Variants in LRP1B observed in about 807,000 individuals in gnomAD.
LRP1B encodes LDL receptor related protein 1B.
Under a neutral mutation model 556.6 loss-of-function variants are expected in LRP1B, and 217 were observed. The ratio of observed to expected loss-of-function variants is 0.39; its 90% CI spans 0.35 to 0.44. The LOEUF (loss-of-function observed/expected upper bound fraction) is 0.44, where lower values mean the gene tolerates loss of function less well. Ranked by LOEUF, LRP1B falls within the 20% of genes least tolerant of loss-of-function variation. The pLI is 1.00. For missense variants in LRP1B, 5,053 were observed against 5,620.8 expected, an observed-to-expected ratio of 0.90 and a Z score of 3.23; for synonymous variants, 2,047 against 1,865.8, an observed-to-expected ratio of 1.10 and a Z score of -2.50.
chr2:140,970,260 C>A (rs1478374994), intron 18 of LRP1B, among the ~76,000 whole-genome samples: 2 of 152,170 alleles, frequency 1.3e-5, no homozygotes, highest in African/African-American at 2.4e-5. Context: ...CTTTTCACTT[C>A]ATTTCATTGA....
At chr2:141,231,520 A>G (rs1366929853) in intron 5 of LRP1B, among the ~76,000 whole-genome samples, 1 of 152,192 alleles carries the variant, frequency 6.6e-6, no homozygotes, top group Non-Finnish European at 1.5e-5. Flanking sequence ...GAGATGGTCC[A>G]GTGGCTGCAG....
Position 141,983,074 on chromosome 2 carries a change from G to A in LRP1B, c.82+147574C>T, listed in dbSNP as rs370822661. ...AGAGAAAAGACAATGATTTTCTGCA[G>A]CAAAATAATGTAGAACATTTTGTAA... On this transcript the variant is annotated intron_variant, in intron 1 of 90. Transcript: ENST00000389484. 7.2e-5 allele frequency among the ~76,000 whole-genome samples: 11 copies of A among 152,136 alleles called. No individual in the cohort carries two copies. The East Asian group carries it at 7.7e-4, about 11-fold the overall frequency.
intron 1 of LRP1B, among the ~76,000 whole-genome samples, chr2:142,067,644 C>A (rs1705154412): frequency 6.6e-6 from 1 of 151,490 alleles, no homozygotes. Context: ...TTCCTTTGCT[C>A]TTTTTTGGCC....
intron 37 of LRP1B, among the ~76,000 whole-genome samples, chr2:140,705,521 C>CAAAAAAAAAAAAA (rs565447198): frequency 1.2e-4 from 8 of 68,228 alleles, no homozygotes; most frequent in African/African-American, 2.1e-4. Flanking sequence ...GAGACTGTCT[C>CAAAAAAAAAAAAA]AAAAAAAAAA....
chr2:141,652,466 T>C (rs2105381504), intron 2 of LRP1B, among the ~76,000 whole-genome samples: 1 of 152,342 alleles, frequency 6.6e-6, no homozygotes, highest in Non-Finnish European at 1.5e-5. Flanking sequence ...GTAAACATTT[T>C]GAATGTTTTC....
At chr2:140,472,969 G>A (rs560224265) in intron 60 of LRP1B, among the ~76,000 whole-genome samples, 1 of 152,112 alleles carries the variant, frequency 6.6e-6, no homozygotes, top group Admixed American at 6.5e-5. Flanking sequence ...TAAAAAAGTG[G>A]CTAGTGATGA....
chr2:140,326,898 A>C (rs1460208614), intron 79 of LRP1B, among the ~76,000 whole-genome samples: 1 of 152,118 alleles, frequency 6.6e-6, no homozygotes, highest in African/African-American at 2.4e-5. Context: ...TGATTTCATG[A>C]ATGTGATTGG....
chr2:141,820,779 C>A (rs1696725684), intron 1 of LRP1B, among the ~76,000 whole-genome samples: 1 of 152,118 alleles, frequency 6.6e-6, no homozygotes, highest in East Asian at 1.9e-4. Flanking sequence ...GATCGAGAGA[C>A]AAGCCAAATA....
At position 140,501,944 on chromosome 2, in the gene LRP1B, A is replaced by G. The variant is rs375693975; in HGVS notation, c.8663-70T>C. ...GTTTTATACTACAGTTGTTGAAAACATTCACAAATATCATTAACTCAGGTG... is the reference window on the plus strand; with the variant it reads ...GTTTTATACTACAGTTGTTGAAAACGTTCACAAATATCATTAACTCAGGTG... On this transcript the variant is annotated intron_variant, in intron 54 of 90. Coordinates refer to ENST00000389484, the MANE Select transcript of LRP1B (RefSeq NM_018557.3). 230 of 1,054,960 alleles carry G rather than the reference A, an allele frequency of 2.2e-4. 1 individual carries two copies. In the African/African-American group the frequency reaches 3.3e-3, roughly 15 times the overall value. 65.3% of individuals were successfully genotyped at this position (1,054,960 alleles called of 1,614,324 possible).
chr2:141,692,524 T>C (rs1176579058), intron 2 of LRP1B, among the ~76,000 whole-genome samples: 1 of 152,018 alleles, frequency 6.6e-6, no homozygotes, highest in Admixed American at 6.6e-5. Flanking sequence ...GGCATTCAGC[T>C]TCATCCAGGG....
At chr2:141,619,022 A>T (rs1278127919) in intron 2 of LRP1B, among the ~76,000 whole-genome samples, 1 of 152,180 alleles carries the variant, frequency 6.6e-6, no homozygotes, top group Non-Finnish European at 1.5e-5. Flanking sequence ...ATCTGCTATG[A>T]TCTCCCAAGG....
chr2:141,132,774 G>GTA (rs558635661), intron 7 of LRP1B, among the ~76,000 whole-genome samples: 3 of 151,732 alleles, frequency 2.0e-5, no homozygotes, highest in East Asian at 1.9e-4. Context: ...GACATGCTGT[G>GTA]TATATATATA....
At position 141,062,156 on chromosome 2, in the gene LRP1B, T is replaced by G; in HGVS notation, c.1131A>C (p.Leu377=). The change falls in exon 8 of 91, where the codon CTA becomes CTC. Residue 377 remains leucine, a synonymous_variant. Transcript: ENST00000389484. ...AGTAAACCAATTTGTTGACTAGGTC[T>G]AGTGCCAGTGCAGCTGGCTGCTCTG... The part of the protein sequence containing the change: ...SKTEQPAALA[L]DLVNKLVYWV... 1 of 1,612,124 alleles carries G rather than the reference T, an allele frequency of 6.2e-7. No homozygotes were observed.
chr2:140,926,713 C>G (rs1694897623), intron 20 of LRP1B, among the ~76,000 whole-genome samples: 1 of 152,090 alleles, frequency 6.6e-6, no homozygotes, highest in Non-Finnish European at 1.5e-5. Flanking sequence ...TATTCGGGAA[C>G]TTCATGAGTA....
intron 2 of LRP1B, among the ~76,000 whole-genome samples, chr2:141,655,829 G>T (rs1689985271): frequency 6.6e-6 from 1 of 151,984 alleles, no homozygotes; most frequent in Non-Finnish European, 1.5e-5. Context: ...TTATTACTTT[G>T]CCAAGTAGGA....
intron 10 of LRP1B, among the ~76,000 whole-genome samples, chr2:141,052,848 G>A (rs868364507): frequency 4.6e-5 from 7 of 151,826 alleles, no homozygotes; most frequent in African/African-American, 1.7e-4. Flanking sequence ...ATGTTGCCCA[G>A]GCTCTTATTG....
At chr2:141,197,394 T>C (rs1558926339) in intron 6 of LRP1B, among the ~76,000 whole-genome samples, 1 of 152,246 alleles carries the variant, frequency 6.6e-6, no homozygotes, top group South Asian at 2.1e-4. Context: ...AAATATGAAA[T>C]CTTATTTATT....
At chr2:141,624,701 A>AT (rs1688639545) in intron 2 of LRP1B, among the ~76,000 whole-genome samples, 1 of 152,078 alleles carries the variant, frequency 6.6e-6, no homozygotes, top group Non-Finnish European at 1.5e-5. Context: ...AGCATTATTC[A>AT]TTTTTCCTAT....
chr2:140,679,343 A>T (rs1200249037), intron 41 of LRP1B, among the ~76,000 whole-genome samples: 2 of 152,192 alleles, frequency 1.3e-5, no homozygotes, highest in Non-Finnish European at 2.9e-5. Context: ...CAATTTTTTT[A>T]AAAAGCCCTT....
Sources: allele counts gnomAD v4.1 joint callset (sites outside exome capture counted in the v4.1 genomes callset), GRCh38; gene constraint gnomAD v4.1.1; transcripts MANE v1.5; gene names NCBI Gene and HGNC (gene_info 2026-07-23, HGNC 2026-07-21).